Variants in DLGAP2 observed in about 807,000 individuals in gnomAD.
DLGAP2 encodes DLG associated protein 2, also known as disks large-associated protein 2.
DLGAP2 carries 26 observed loss-of-function variants against 100.3 expected under a neutral mutation model. That is an observed-to-expected ratio of 0.26 (90% CI 0.19 to 0.36). The LOEUF (loss-of-function observed/expected upper bound fraction) is 0.36, where lower values mean the gene tolerates loss of function less well. DLGAP2 is among the 10% of genes least tolerant of loss of function. DLGAP2 has a pLI of 1.00. For missense variants in DLGAP2, 1,858 were observed against 1,453.2 expected (o/e 1.28, Z -4.53); for synonymous variants, 886 against 630.1 (o/e 1.41, Z -6.08).
chr8:1,424,398 T>C (rs774957442), intron 3 of DLGAP2, among the ~76,000 whole-genome samples: 29 of 152,232 alleles, frequency 1.9e-4, no homozygotes, highest in South Asian at 4.1e-4. Flanking sequence ...CATACTGATA[T>C]TGGCATATGG....
chr8:1,044,499 A>C (rs1563162262), intron 2 of DLGAP2, among the ~76,000 whole-genome samples: 1 of 152,172 alleles, frequency 6.6e-6, no homozygotes, highest in Non-Finnish European at 1.5e-5. Context: ...TAGCGCTGAA[A>C]TCTGTGCCAT....
intron 2 of DLGAP2, among the ~76,000 whole-genome samples, chr8:922,250 A>T (rs1005179576): frequency 8.5e-5 from 13 of 152,146 alleles, no homozygotes; most frequent in Admixed American, 6.5e-4. Context: ...TAACCCATTA[A>T]CCGTATCTCT....
chr8:1,290,338 A>G (rs533041507), intron 3 of DLGAP2, among the ~76,000 whole-genome samples: 1 of 152,342 alleles, frequency 6.6e-6, no homozygotes, highest in African/African-American at 2.4e-5. Context: ...CAGTTTGCAT[A>G]TGATGGTCCC....
intron 2 of DLGAP2, among the ~76,000 whole-genome samples, chr8:1,152,220 A>G (rs963179313): frequency 5.9e-5 from 9 of 152,194 alleles, no homozygotes; most frequent in African/African-American, 2.2e-4. Flanking sequence ...CGAATTCTTT[A>G]TATATTGTTG....
At chr8:927,011 G>A in intron 2 of DLGAP2, 1 of 985,412 alleles carries the variant, frequency 1.0e-6, no homozygotes, top group Non-Finnish European at 1.2e-6. Flanking sequence ...CCCCCGCCGA[G>A]AAAGAGAAAG....
chr8:961,125 T>C (rs1048975210), intron 2 of DLGAP2, among the ~76,000 whole-genome samples: 7 of 152,262 alleles, frequency 4.6e-5, no homozygotes, highest in Admixed American at 4.6e-4. Flanking sequence ...GCTTGCCTGA[T>C]CTGTGCACAT....
At chr8:1,349,751 G>GGATGGTGT (rs1472288676) in intron 3 of DLGAP2, among the ~76,000 whole-genome samples, 3 of 152,198 alleles carry the variant, frequency 2.0e-5, no homozygotes, top group African/African-American at 7.2e-5. Context: ...GGAAGAGGAA[G>GGATGGTGT]GATGGTGTCT....
chr8:921,085 T>C (rs1798703304), intron 2 of DLGAP2, among the ~76,000 whole-genome samples: 1 of 152,246 alleles, frequency 6.6e-6, no homozygotes, highest in Admixed American at 6.5e-5. Flanking sequence ...GCAGATTTAA[T>C]CCTTGCCTTG....
chr8:759,654 C>T (rs574210030), intron 1 of DLGAP2, among the ~76,000 whole-genome samples: 8 of 152,268 alleles, frequency 5.3e-5, no homozygotes, highest in East Asian at 3.9e-4. Flanking sequence ...TCCAGCACTC[C>T]GGTGTCCCCC....
At chr8:1,367,993 C>A (rs1802147154) in intron 3 of DLGAP2, among the ~76,000 whole-genome samples, 1 of 152,230 alleles carries the variant, frequency 6.6e-6, no homozygotes, top group African/African-American at 2.4e-5. Context: ...CCTCCCTCCT[C>A]AGTCACCAGA....
chr8:1,482,382 G>A (rs1034780072), intron 3 of DLGAP2, among the ~76,000 whole-genome samples: 3 of 152,354 alleles, frequency 2.0e-5, no homozygotes, highest in African/African-American at 7.2e-5. Flanking sequence ...GTCAGTTCAT[G>A]TGTCTTTACA....
chr8:1,529,757 A>G (rs574429742), intron 4 of DLGAP2, among the ~76,000 whole-genome samples: 58 of 152,312 alleles, frequency 3.8e-4, no homozygotes, highest in African/African-American at 1.4e-3. Context: ...GTTCTTTTCT[A>G]TTTTCCTTAA....
At chr8:855,723 C>A (rs1029536934) in intron 1 of DLGAP2, among the ~76,000 whole-genome samples, 1 of 152,106 alleles carries the variant, frequency 6.6e-6, no homozygotes, top group Non-Finnish European at 1.5e-5. Flanking sequence ...GAAGCTTTAC[C>A]CTAGCTATGC....
At chr8:1,419,006 G>A (rs1168916516) in intron 3 of DLGAP2, among the ~76,000 whole-genome samples, 1 of 152,244 alleles carries the variant, frequency 6.6e-6, no homozygotes, top group Non-Finnish European at 1.5e-5. Flanking sequence ...CGAACGAAGG[G>A]GCACATGGGG....
intron 2 of DLGAP2, among the ~76,000 whole-genome samples, chr8:1,242,128 C>G (rs1798809976): frequency 6.6e-6 from 1 of 152,162 alleles, no homozygotes; most frequent in Admixed American, 6.5e-5. Flanking sequence ...GAACAGAAAT[C>G]CCATAGCTTA....
intron 4 of DLGAP2, among the ~76,000 whole-genome samples, chr8:1,512,882 G>A (rs911210191): frequency 2.0e-5 from 3 of 152,250 alleles, no homozygotes; most frequent in Non-Finnish European, 4.4e-5. Flanking sequence ...GTGAGGCCCC[G>A]GGTCATGGTC....
chr8:771,108 G>A (rs1444483400), intron 1 of DLGAP2, among the ~76,000 whole-genome samples: 6 of 152,120 alleles, frequency 3.9e-5, no homozygotes, highest in Non-Finnish European at 5.9e-5. Flanking sequence ...CTGTGCTGGG[G>A]TCAGAATCAA....
chr8:822,300 CA>C (rs991307946), intron 1 of DLGAP2: 1 of 398,982 alleles, frequency 2.5e-6, no homozygotes, highest in Non-Finnish European at 4.4e-6. Flanking sequence ...GGGAGGGGCA[CA>C]GGGGTGACGG....
At chr8:1,320,230 G>C (rs1800863754) in intron 3 of DLGAP2, among the ~76,000 whole-genome samples, 1 of 152,030 alleles carries the variant, frequency 6.6e-6, no homozygotes, top group Non-Finnish European at 1.5e-5. Flanking sequence ...GAAATGATTT[G>C]CAGGGGAAAG....
Sources: allele counts gnomAD v4.1 joint callset (sites outside exome capture counted in the v4.1 genomes callset), GRCh38; gene constraint gnomAD v4.1.1; transcripts MANE v1.5; gene names NCBI Gene and HGNC (gene_info 2026-07-23, HGNC 2026-07-21).